FRMPD4: variants seen among roughly 807,000 people sequenced by gnomAD.
FRMPD4 encodes the protein FERM and PDZ domain-containing protein 4.
FRMPD4 carries 22 observed loss-of-function variants against 94.1 expected under a neutral mutation model. The observed-to-expected ratio is 0.23, with a 90% CI of 0.17 to 0.33. FRMPD4 has a LOEUF of 0.33. FRMPD4 is among the 10% of genes least tolerant of loss of function. The probability of loss-of-function intolerance (pLI) is 1.00; values close to 1 mark genes in which losing one functional copy is unlikely to be tolerated. For missense variants in FRMPD4, 1,111 were observed against 1,339.9 expected, an observed-to-expected ratio of 0.83 and a Z score of 2.67; for synonymous variants, 631 against 548.6, an observed-to-expected ratio of 1.15 and a Z score of -2.10.
intron 2 of FRMPD4, among the ~76,000 whole-genome samples, chrX:12,590,825 C>T (rs909032908): frequency 1.8e-5 from 2 of 111,645 alleles, no homozygotes; most frequent in African/African-American, 3.3e-5. Context: ...ATGTTTCATC[C>T]ACTGGCCTTT....
intron 1 of FRMPD4, among the ~76,000 whole-genome samples, chrX:12,149,875 A>G (rs1363497489): frequency 1.8e-5 from 2 of 111,961 alleles, no homozygotes; most frequent in Non-Finnish European, 3.8e-5. Flanking sequence ...GCCTTCAGCA[A>G]CCACCACCTT....
chrX:12,326,102 C>A (rs1344147835), intron 1 of FRMPD4, among the ~76,000 whole-genome samples: 1 of 112,210 alleles, frequency 8.9e-6, no homozygotes, highest in Non-Finnish European at 1.9e-5. Context: ...ATGGGCACTT[C>A]TACATGAGGG....
chrX:12,183,371 A>G (rs1172321420), intron 1 of FRMPD4, among the ~76,000 whole-genome samples: 1 of 112,008 alleles, frequency 8.9e-6, no homozygotes, highest in Non-Finnish European at 1.9e-5. Flanking sequence ...TGTCCTTCAC[A>G]AGCACGGCTT....
At chrX:12,053,349 AG>A (rs1254937543) in intron 3 of FRMPD4, among the ~76,000 whole-genome samples, 11 of 92,055 alleles carry the variant, frequency 1.2e-4, no homozygotes, top group African/African-American at 3.2e-4. Context: ...AAAGAAAGAA[AG>A]GAAAGAAAGA....
chrX:12,356,281 A>G (rs1193287822), intron 1 of FRMPD4, among the ~76,000 whole-genome samples: 2 of 112,364 alleles, frequency 1.8e-5, no homozygotes, highest in Non-Finnish European at 3.8e-5. Flanking sequence ...TCAAAGAAAT[A>G]TATTTTGGGG....
At chrX:12,599,820 G>C (rs2059068585) in intron 2 of FRMPD4, among the ~76,000 whole-genome samples, 1 of 111,121 alleles carries the variant, frequency 9.0e-6, no homozygotes, top group Admixed American at 9.6e-5. Context: ...ACTAAAAAAA[G>C]TTTTGAACAT....
At chrX:12,696,359 T>G (rs757037600) in intron 9 of FRMPD4, among the ~76,000 whole-genome samples, 1 of 111,037 alleles carries the variant, frequency 9.0e-6, no homozygotes, top group Non-Finnish European at 1.9e-5. Context: ...CAAAGGGAAT[T>G]TATCCAAGTT....
intron 3 of FRMPD4, among the ~76,000 whole-genome samples, chrX:11,911,093 A>G (rs1255788047): frequency 8.9e-6 from 1 of 112,285 alleles, no homozygotes; most frequent in Non-Finnish European, 1.9e-5. Context: ...TGCCATCTCG[A>G]TCTCAGCTAC....
intron 3 of FRMPD4, among the ~76,000 whole-genome samples, chrX:12,120,922 G>A (rs1402232759): frequency 9.1e-6 from 1 of 110,236 alleles, no homozygotes; most frequent in African/African-American, 3.3e-5. Context: ...AGTGTAGGCT[G>A]TGAATCCTGG....
rs1479957513 is a variant in FRMPD4 at position 12,721,406 on chromosome X, G to A, written c.4837G>A (p.Ala1613Thr). The change falls in exon 17 of 17, where the codon GCC becomes ACC. Residue 1613 changes from alanine to threonine, a missense_variant. By Grantham distance (58) the Ala-to-Thr change is moderately conservative. Transcript: ENST00000675598. ...TGGGTTCCTTGCAGCCCAAAATGATGCCAATGAGCTGCTCTGTCTCGTCAG... is the reference window on the plus strand; with the variant it reads ...TGGGTTCCTTGCAGCCCAAAATGATACCAATGAGCTGCTCTGTCTCGTCAG... ...PDGFLAAQND[A>T]NELLCLVRAT... The A allele has an allele frequency of 2.7e-6, 2 of 752,513 alleles. No homozygotes were observed. Among genetic ancestry groups the A allele is most frequent in the African/African-American group, 2.3e-5 (1 of 43,058 alleles). 62.0% of individuals were successfully genotyped at this position (752,513 alleles called of 1,213,427 possible). A position where few individuals can be genotyped will look rare whatever the true frequency, so the allele number is the denominator to read the frequency against.
chrX:12,179,662 G>A, intron 1 of FRMPD4, among the ~76,000 whole-genome samples: 1 of 111,545 alleles, frequency 9.0e-6, no homozygotes, highest in Non-Finnish European at 1.9e-5. Context: ...TGACACCAAC[G>A]CGTGCAGAAT....
At chrX:11,917,753 A>T (rs1397783391) in intron 3 of FRMPD4, among the ~76,000 whole-genome samples, 1 of 110,982 alleles carries the variant, frequency 9.0e-6, no homozygotes, top group East Asian at 2.8e-4. Context: ...GAAGGGAGGG[A>T]GGAGGGCAAG....
At chrX:12,574,488 C>G (rs375357315) in intron 2 of FRMPD4, among the ~76,000 whole-genome samples, 3 of 110,435 alleles carry the variant, frequency 2.7e-5, no homozygotes, top group African/African-American at 9.9e-5. Flanking sequence ...CATGGTGGAG[C>G]CTTTTATTTT....
intron 3 of FRMPD4, among the ~76,000 whole-genome samples, chrX:12,125,011 G>C (rs145015938): frequency 2.7e-5 from 3 of 112,089 alleles, no homozygotes; most frequent in East Asian, 5.6e-4. Context: ...CCTCGTTTCC[G>C]TTGAGATACA....
chrX:12,708,857 C>A (rs2041929507), intron 13 of FRMPD4: 1 of 113,438 alleles, frequency 8.8e-6, no homozygotes, highest in Admixed American at 9.4e-5. Flanking sequence ...CAGATGATCA[C>A]GAAAGAGAGA....
chrX:12,672,136 G>A (rs1443485134), intron 4 of FRMPD4, among the ~76,000 whole-genome samples: 11 of 112,007 alleles, frequency 9.8e-5, no homozygotes, highest in African/African-American at 2.6e-4. Context: ...GAGGTAAAAG[G>A]CAAGAAAGTT....
intron 4 of FRMPD4, among the ~76,000 whole-genome samples, chrX:12,657,631 G>T (rs186765812): frequency 4.5e-5 from 5 of 112,303 alleles, no homozygotes; most frequent in Non-Finnish European, 9.4e-5. Context: ...ATCAGAAAGT[G>T]CAGATCCCTG....
chrX:12,113,681 A>G (rs148973176), intron 3 of FRMPD4, among the ~76,000 whole-genome samples: 106 of 112,459 alleles, frequency 9.4e-4, no homozygotes, highest in East Asian at 5.9e-3. Context: ...ACTTAGTCAC[A>G]TCAGTGAAAG....
At chrX:11,988,100 A>G (rs1300220254) in intron 3 of FRMPD4, among the ~76,000 whole-genome samples, 1 of 112,018 alleles carries the variant, frequency 8.9e-6, no homozygotes, top group Non-Finnish European at 1.9e-5. Flanking sequence ...TAACATTTAC[A>G]TGAAACCACA....
Sources: allele counts gnomAD v4.1 joint callset (sites outside exome capture counted in the v4.1 genomes callset), GRCh38; gene constraint gnomAD v4.1.1; transcripts MANE v1.5; gene names NCBI Gene and HGNC (gene_info 2026-07-23, HGNC 2026-07-21).